THAP12: variants seen among roughly 807,000 people sequenced by gnomAD.
The protein encoded by THAP12 is THAP domain containing 12.
THAP12 carries 20 observed loss-of-function variants against 63.0 expected under a neutral mutation model. That is an observed-to-expected ratio of 0.32 (90% CI 0.22 to 0.46). THAP12 has a LOEUF of 0.46. Among genes scored for constraint, THAP12 ranks in the 20% least tolerant of loss-of-function variants. The pLI, the probability that THAP12 is intolerant of heterozygous loss-of-function variation, is 1.00. For missense variants in THAP12, 568 were observed against 908.2 expected (o/e 0.63, Z 4.81); for synonymous variants, 264 against 328.4 (o/e 0.80, Z 2.12).
chr11:76,362,409 G>A (rs1006462867), intron 2 of THAP12, among the ~76,000 whole-genome samples: 3 of 152,236 alleles, frequency 2.0e-5, no homozygotes, highest in East Asian at 3.8e-4. Flanking sequence ...TGTACCCAAA[G>A]AGTTGTTAAA....
chr11:76,369,368 T>C (rs755806423), intron 1 of THAP12, among the ~76,000 whole-genome samples: 3 of 152,242 alleles, frequency 2.0e-5, no homozygotes, highest in Non-Finnish European at 2.9e-5. Flanking sequence ...ACAAACGTAA[T>C]GTTAAGCAGA....
intron 2 of THAP12, 31 bp downstream of exon 2, chr11:76,365,821 C>G (rs2134508323): frequency 6.2e-7 from 1 of 1,601,228 alleles, no homozygotes; most frequent in East Asian, 2.2e-5. Context: ...TCAAGTCAAA[C>G]AGAGAGACAC....
chr11:76,373,376 T>C (rs1037181150), intron 1 of THAP12, among the ~76,000 whole-genome samples: 2 of 151,278 alleles, frequency 1.3e-5, no homozygotes, highest in Admixed American at 6.6e-5. Context: ...AGAAGTACTA[T>C]TATTACAACT....
intron 3 of THAP12, chr11:76,358,019 A>C (rs911407419): frequency 1.3e-5 from 2 of 152,200 alleles, no homozygotes; most frequent in South Asian, 2.1e-4. Flanking sequence ...AGATTATTAA[A>C]GTTTCATAAA....
At chr11:76,380,682 G>A (rs1464993259) in intron 1 of THAP12, 66 bp downstream of exon 1, 17 of 1,223,918 alleles carry the variant, frequency 1.4e-5, no homozygotes, top group Non-Finnish European at 1.6e-5. Flanking sequence ...CCCGCCAGGG[G>A]CCGGCGGCTG....
In THAP12 at chr11:76,380,895, C is replaced by A; in HGVS notation, c.-59G>T. ...CTCCCCGCCTCCTCAGGGCAGTCCG[C>A]CCGCCCGTCGGGGCCGGGGAGGGGA... On this transcript the variant is annotated 5_prime_UTR_variant, in exon 1 of 5. Transcript: ENST00000260045. 2 of 1,180,420 alleles carry A rather than the reference C, an allele frequency of 1.7e-6. No individual in the cohort carries two copies. The highest frequency in any genetic ancestry group is 6.1e-5 in the South Asian group (2 of 32,780). 73.1% of individuals were successfully genotyped at this position (1,180,420 alleles called of 1,614,324 possible). A position where few individuals can be genotyped will look rare whatever the true frequency, so the allele number is the denominator to read the frequency against.
chr11:76,379,652 T>C (rs1269406904), intron 1 of THAP12, among the ~76,000 whole-genome samples: 1 of 152,222 alleles, frequency 6.6e-6, no homozygotes, highest in Non-Finnish European at 1.5e-5. Context: ...AAATAGCAAT[T>C]GTGCGTCCCT....
At position 76,351,322 on chromosome 11, in the gene THAP12, A is replaced by G; in HGVS notation, c.1828T>C (p.Ser610Pro). 6.3e-7 allele frequency: 1 copy of G among 1,585,022 alleles called. No individual in the cohort carries two copies. Among genetic ancestry groups the G allele is most frequent in the African/African-American group, 1.4e-5 (1 of 73,990 alleles). ...KALKCLSLVP[S>P]VMGQLKFNTS... ...TTGAATTTGAGTTGTCCCATGACTG[A>G]GGGTACCAGAGATAAGCATTTAAGA... The change falls in exon 5 of 5, where the codon TCA (serine) becomes CCA (proline). Residue 610 changes from serine to proline, a missense_variant. Ser to Pro is a moderately conservative substitution (Grantham distance 74, BLOSUM62 -1). Coordinates refer to ENST00000260045, the MANE Select transcript of THAP12 (RefSeq NM_004705.4).
chr11:76,374,386 C>T (rs574782191), intron 1 of THAP12, among the ~76,000 whole-genome samples: 1 of 138,714 alleles, frequency 7.2e-6, no homozygotes, highest in African/African-American at 2.6e-5. Flanking sequence ...ATTCATTATA[C>T]AAAAAAAAAA....
intron 2 of THAP12, among the ~76,000 whole-genome samples, chr11:76,365,020 C>T (rs1163062194): frequency 6.6e-6 from 1 of 152,106 alleles, no homozygotes; most frequent in Non-Finnish European, 1.5e-5. Context: ...GAGGCTCATA[C>T]ATGTAATCCC....
intron 4 of THAP12, among the ~76,000 whole-genome samples, chr11:76,353,946 T>C (rs1011185219): frequency 6.6e-6 from 1 of 151,970 alleles, no homozygotes; most frequent in Non-Finnish European, 1.5e-5. Flanking sequence ...GAGGCAGAGG[T>C]TATAGTTAGC....
intron 3 of THAP12, among the ~76,000 whole-genome samples, chr11:76,360,032 G>A (rs1946588067): frequency 6.6e-6 from 1 of 152,138 alleles, no homozygotes; most frequent in African/African-American, 2.4e-5. Flanking sequence ...TATAACAGAG[G>A]TGGCATTTTA....
chr11:76,368,196 C>A (rs924943672), intron 1 of THAP12, among the ~76,000 whole-genome samples: 1 of 152,176 alleles, frequency 6.6e-6, no homozygotes, highest in Non-Finnish European at 1.5e-5. Context: ...CAATCAAGAA[C>A]AGAATGGGCA....
intron 1 of THAP12, among the ~76,000 whole-genome samples, chr11:76,372,711 C>A (rs894682771): frequency 1.3e-5 from 2 of 151,822 alleles, no homozygotes; most frequent in African/African-American, 4.8e-5. Flanking sequence ...TATAGGGAGA[C>A]CTTGTCTCTA....
chr11:76,380,313 A>G (rs1946744369), intron 1 of THAP12, among the ~76,000 whole-genome samples: 1 of 152,104 alleles, frequency 6.6e-6, no homozygotes, highest in Non-Finnish European at 1.5e-5. Context: ...AAACAGAAAC[A>G]CTGTCCCGGG....
Position 76,351,705 on chromosome 11 carries a change from G to A in THAP12, c.1445C>T (p.Thr482Ile). ...SAVSDFDFIV[T>I]IVVLKNVLSF... ...TAGGACATTTTTAAGAACAACAATA[G>A]TAACAATGAAATCAAAATCTGACAC... The change falls in exon 5 of 5, where the codon ACT becomes ATT. Residue 482 changes from threonine (T) to isoleucine (I), a missense_variant. Thr to Ile is a moderately conservative substitution (Grantham distance 89). Transcript: ENST00000260045. 1 of 1,603,400 alleles carries A rather than the reference G, an allele frequency of 6.2e-7. No homozygotes were observed. The highest frequency in any genetic ancestry group is 8.5e-7 in the Non-Finnish European group (1 of 1,175,806).
chr11:76,360,866 A>G (rs1946593419), intron 3 of THAP12, 90 bp downstream of exon 3: 1 of 853,732 alleles, frequency 1.2e-6, no homozygotes, highest in Non-Finnish European at 1.9e-6. Context: ...AATAGAGAGT[A>G]ATTTGGATTA....
At chr11:76,355,375 G>C (rs1946554328) in intron 4 of THAP12, among the ~76,000 whole-genome samples, 1 of 152,246 alleles carries the variant, frequency 6.6e-6, no homozygotes, top group Non-Finnish European at 1.5e-5. Flanking sequence ...CACTGAGAGA[G>C]GAGGCGTCAC....
At chr11:76,368,857 A>T (rs1054279565) in intron 1 of THAP12, among the ~76,000 whole-genome samples, 1 of 152,256 alleles carries the variant, frequency 6.6e-6, no homozygotes, top group Non-Finnish European at 1.5e-5. Flanking sequence ...TGGAATAAAG[A>T]TCTCTTAAGG....
Sources: allele counts gnomAD v4.1 joint callset (sites outside exome capture counted in the v4.1 genomes callset), GRCh38; gene constraint gnomAD v4.1.1; transcripts MANE v1.5; gene names NCBI Gene and HGNC (gene_info 2026-07-23, HGNC 2026-07-21).